Variants in BMP8B observed in about 807,000 individuals in gnomAD.
BMP8B encodes the protein bone morphogenetic protein 8 (osteogenic protein 2).
A neutral mutation model predicts 30.3 loss-of-function variants in BMP8B; 17 were observed. The observed-to-expected ratio is 0.56, with a 90% CI of 0.38 to 0.84. BMP8B has a LOEUF of 0.84. BMP8B is among the 40% of genes least tolerant of loss of function. The pLI is 0.00. For synonymous variants in BMP8B, 131 were observed against 214.7 expected (o/e 0.61, Z 3.41); for missense variants, 253 against 494.6 (o/e 0.51, Z 4.63).
chr1:39,760,596 G>A, intron 6 of BMP8B, 28 bp from the exon 7 acceptor site: 1 of 1,608,650 alleles, frequency 6.2e-7, no homozygotes, highest in Non-Finnish European at 8.5e-7. Flanking sequence ...ACAGGCAGGG[G>A]CATGAGCCCA....
intron 1 of BMP8B, among the ~76,000 whole-genome samples, chr1:39,781,547 C>G (rs994025542): frequency 6.6e-6 from 1 of 152,176 alleles, no homozygotes; most frequent in Non-Finnish European, 1.5e-5. Context: ...ATAAATTAGA[C>G]CATAATCGTG....
chr1:39,779,829 T>C (rs1650502755), intron 1 of BMP8B, among the ~76,000 whole-genome samples: 2 of 152,220 alleles, frequency 1.3e-5, no homozygotes, highest in South Asian at 4.1e-4. Context: ...ATTATGCAAA[T>C]GTAGCAGTTT....
intron 1 of BMP8B, among the ~76,000 whole-genome samples, chr1:39,777,244 A>C (rs937545152): frequency 6.6e-6 from 1 of 152,240 alleles, no homozygotes; most frequent in African/African-American, 2.4e-5. Context: ...TGGTTCCATA[A>C]GCACCTCTAA....
Position 39,759,000 on chromosome 1 carries a change from G to C in BMP8B, c.*1419C>G, listed in dbSNP as rs3893452. The C allele has an allele frequency of 3.9e-5, 6 of 152,428 alleles. No homozygotes were observed. Among genetic ancestry groups the C allele is most frequent in the Admixed American group, 2.0e-4 (3 of 15,304 alleles). 9.4% of individuals were successfully genotyped at this position (152,428 alleles called of 1,614,324 possible). On this transcript the variant is annotated 3_prime_UTR_variant, in exon 7 of 7. Coordinates refer to ENST00000372827, the MANE Select transcript of BMP8B (RefSeq NM_001720.5). ...CATGGGGAGGTGGAACCACTCTGCC[G>C]GGCTGTGCCTGTGGATGGGGCGGGC... is the stretch of plus-strand genomic sequence containing the variant.
intron 1 of BMP8B, among the ~76,000 whole-genome samples, chr1:39,783,656 C>T (rs1275341905): frequency 6.6e-6 from 1 of 152,126 alleles, no homozygotes; most frequent in African/African-American, 2.4e-5. Context: ...GCCTGTAATC[C>T]CAGCACTTTG....
intron 1 of BMP8B, among the ~76,000 whole-genome samples, chr1:39,783,238 T>C (rs987745166): frequency 2.6e-5 from 4 of 152,204 alleles, no homozygotes; most frequent in Non-Finnish European, 5.9e-5. Context: ...CCTACCCTCC[T>C]ACAGCTGTGA....
rs1648444289 is a variant in BMP8B, at chr1:39,757,770, C to T, written c.*2649G>A. Reference sequence around the variant, plus strand: ...GCCTGGGCCACCCACTGCAGATGCACATGCTTGGCTCAGCAAACGGATAAG... The same window carrying T: ...GCCTGGGCCACCCACTGCAGATGCATATGCTTGGCTCAGCAAACGGATAAG... On this transcript the variant is annotated 3_prime_UTR_variant, in exon 7 of 7. Transcript: ENST00000372827. 1 of 152,220 alleles carries T rather than the reference C, an allele frequency of 6.6e-6. No homozygotes were observed. Among genetic ancestry groups the T allele is most frequent in the Non-Finnish European group, 1.5e-5 (1 of 68,042 alleles). The allele number at this position is 152,220 out of a possible 1,614,324, so 9.4% of individuals were successfully genotyped here. A position where few individuals can be genotyped will look rare whatever the true frequency, so the allele number is the denominator to read the frequency against.
rs557202945 is a variant in BMP8B, at chr1:39,765,124, A to AT, written c.674-308dup. ...TGTGAAGTGTTTTACAAGTTGGAAGATTTTTCCCATGGATCACCTCATTGG... is the reference window on the plus strand; with the variant it reads ...TGTGAAGTGTTTTACAAGTTGGAAGATTTTTTCCCATGGATCACCTCATTGG... On this transcript the variant is annotated intron_variant, in intron 3 of 6. Transcript: ENST00000372827. The AT allele has an allele frequency of 1.1e-3, 614 of 556,664 alleles. No homozygotes were observed. In the African/African-American group the frequency reaches 0.011, roughly 10 times the overall value. 34.5% of individuals were successfully genotyped at this position (556,664 alleles called of 1,614,324 possible). A position where few individuals can be genotyped will look rare whatever the true frequency, so the allele number is the denominator to read the frequency against.
Position 39,788,010 on chromosome 1 carries a change from C to G in BMP8B, c.334+142G>C. On this transcript the variant is annotated intron_variant, in intron 1 of 6. Transcript: ENST00000372827. This position sits in a 1 kb window ranked among gnomAD's most constrained non-coding sequence, Gnocchi z 5.8. ...CCATGACCCTTAGACCTTCCCTAAC[C>G]ACGGCGGTCCCACTCCCCTGTGGTT... 7.6e-7 allele frequency: 1 copy of G among 1,311,518 alleles called. No individual in the cohort carries two copies. Among genetic ancestry groups the G allele is most frequent in the Non-Finnish European group, 9.8e-7 (1 of 1,023,698 alleles). The allele number at this position is 1,311,518 out of a possible 1,614,324, so 81.2% of individuals were successfully genotyped here. A position where few individuals can be genotyped will look rare whatever the true frequency, so the allele number is the denominator to read the frequency against.
intron 1 of BMP8B, among the ~76,000 whole-genome samples, chr1:39,778,944 C>T (rs1442391935): frequency 1.3e-5 from 2 of 152,040 alleles, no homozygotes; most frequent in African/African-American, 4.8e-5. Flanking sequence ...TTTGGTCAGA[C>T]CTGGAAAGGC....
At chr1:39,778,866 G>A (rs1371280431) in intron 1 of BMP8B, among the ~76,000 whole-genome samples, 1 of 152,196 alleles carries the variant, frequency 6.6e-6, no homozygotes, top group Non-Finnish European at 1.5e-5. Context: ...GGGGGGCTGG[G>A]TGCACCTCCC....
intron 1 of BMP8B, among the ~76,000 whole-genome samples, chr1:39,779,488 C>A (rs1488845965): frequency 6.6e-6 from 1 of 152,196 alleles, no homozygotes; most frequent in Non-Finnish European, 1.5e-5. Flanking sequence ...GCTAGGTGAG[C>A]CCCTGCATCA....
rs2260018 is a variant in BMP8B at position 39,775,183 on chromosome 1, A to T, written c.335-145T>A. On this transcript the variant is annotated intron_variant, in intron 1 of 6. Transcript: ENST00000372827. ...GGCCTGGGTGGGGCCGGCTTCATTT[A>T]GTGCAAACGTTTGTTCCAGGCTTGG... 7.5e-5 allele frequency: 95 copies of T among 1,267,700 alleles called. 2 individuals are homozygous for T. The highest frequency in any genetic ancestry group is 7.0e-4 in the African/African-American group (47 of 67,386). 78.5% of individuals were successfully genotyped at this position (1,267,700 alleles called of 1,614,324 possible). A position where few individuals can be genotyped will look rare whatever the true frequency, so the allele number is the denominator to read the frequency against.
At chr1:39,778,575 T>A (rs916211528) in intron 1 of BMP8B, among the ~76,000 whole-genome samples, 4 of 151,946 alleles carry the variant, frequency 2.6e-5, no homozygotes, top group African/African-American at 9.7e-5. Context: ...CCGGGTCTCA[T>A]CACTGGCTTG....
intron 1 of BMP8B, among the ~76,000 whole-genome samples, chr1:39,779,934 A>G (rs1387045716): frequency 7.7e-6 from 1 of 129,806 alleles, no homozygotes; most frequent in East Asian, 2.2e-4. Flanking sequence ...TTATGAGGTC[A>G]CAGTCAAGCT....
At chr1:39,770,410 T>G in intron 3 of BMP8B, 2 of 1,607,198 alleles carry the variant, frequency 1.2e-6, no homozygotes, top group South Asian at 2.2e-5. Flanking sequence ...TCAGGATCGT[T>G]AAGCGCTCAA....
chr1:39,787,941 T>TC lies in BMP8B; in HGVS notation c.334+210dup, dbSNP rs373634033. Among the ~76,000 whole-genome samples, 1,226 of 152,110 alleles carry TC rather than the reference T, an allele frequency of 8.1e-3. 16 individuals are homozygous for TC. The highest frequency in any genetic ancestry group is 0.028 in the African/African-American group (1,158 of 41,514). On this transcript the variant is annotated intron_variant, in intron 1 of 6. Transcript: ENST00000372827. ...GAAGGCAGCGCCTGGGAGTCCACAG[T>TC]CCCCCACACTCTGCTCCTGACCACC... is the stretch of plus-strand genomic sequence containing the variant.
chr1:39,771,132 A>G (rs1387096824), intron 3 of BMP8B: 2 of 1,555,560 alleles, frequency 1.3e-6, no homozygotes, highest in Non-Finnish European at 8.8e-7. Flanking sequence ...TCCGCGTAGA[A>G]CTTGGCACGG....
At chr1:39,782,459 C>CTTTGTT (rs5773675) in intron 1 of BMP8B, among the ~76,000 whole-genome samples, 11 of 151,274 alleles carry the variant, frequency 7.3e-5, no homozygotes, top group Admixed American at 2.6e-4. Context: ...CAGACACTTG[C>CTTTGTT]TTTGTTTTTG....
Sources: allele counts gnomAD v4.1 joint callset (sites outside exome capture counted in the v4.1 genomes callset), GRCh38; gene constraint gnomAD v4.1.1; non-coding constraint Gnocchi (gnomAD v3.1); transcripts MANE v1.5; gene names NCBI Gene and HGNC (gene_info 2026-07-23, HGNC 2026-07-21).